Variants in CRTC1 observed in about 807,000 individuals in gnomAD.
CRTC1 encodes CREB regulated transcription coactivator 1, also known as CREB-regulated transcription coactivator 1.
Under a neutral mutation model 66.1 loss-of-function variants are expected in CRTC1, and 18 were observed. The ratio of observed to expected loss-of-function variants is 0.27; its 90% CI spans 0.19 to 0.40. The LOEUF is 0.40. Ranked by LOEUF, CRTC1 falls within the 10% of genes least tolerant of loss-of-function variation. CRTC1 has a pLI of 1.00. For missense variants in CRTC1, 669 were observed against 887.9 expected, an observed-to-expected ratio of 0.75 and a Z score of 3.13; for synonymous variants, 416 against 398.8, an observed-to-expected ratio of 1.04 and a Z score of -0.51.
At position 18,779,901 on chromosome 19, in the gene CRTC1, GCGTCC is replaced by G. The variant is rs1343752721; in HGVS notation, c.*2521_*2525del. 6 of 229,108 alleles carry G rather than the reference GCGTCC, an allele frequency of 2.6e-5. No individual in the cohort carries two copies. Among genetic ancestry groups the G allele is most frequent in the African/African-American group, 4.4e-5 (2 of 45,078 alleles). The allele number at this position is 229,108 out of a possible 1,614,324, so 14.2% of individuals were successfully genotyped here. ...GGCCCAGCCAGGAGCCAGCAGCCAG[GCGTCC>G]CTGTGTTCCAGAAGGATTCACGCCC... On this transcript the variant is annotated 3_prime_UTR_variant, in exon 14 of 14. Transcript: ENST00000321949.
intron 1 of CRTC1, among the ~76,000 whole-genome samples, chr19:18,722,961 G>T (rs1017182370): frequency 1.3e-5 from 2 of 151,498 alleles, no homozygotes; most frequent in African/African-American, 4.9e-5. Flanking sequence ...TTTTTTTTGA[G>T]ACAGGGTCTT....
rs543095404 is a variant in CRTC1, at chr19:18,748,241, G to A, written c.443+1127G>A. The stretch of plus-strand genomic sequence containing the variant: ...TATTTACATACATATGTATACAAAC[G>A]TGTGTGTGTATATAATTTTTTTTCT... On this transcript the variant is annotated intron_variant, in intron 4 of 13. Transcript: ENST00000321949. 1.1e-4 allele frequency among the ~76,000 whole-genome samples: 17 copies of A among 151,820 alleles called. 1 individual carries two copies. The highest frequency in any genetic ancestry group is 9.8e-4 in the Admixed American group (15 of 15,236).
chr19:18,725,705 G>T (rs2145649429), intron 1 of CRTC1, among the ~76,000 whole-genome samples: 1 of 152,298 alleles, frequency 6.6e-6, no homozygotes, highest in South Asian at 2.1e-4. Flanking sequence ...CTGTGTTAGG[G>T]GCTTCTTTCT....
chr19:18,699,863 AG>A (rs1386629219), intron 1 of CRTC1, among the ~76,000 whole-genome samples: 2 of 152,064 alleles, frequency 1.3e-5, no homozygotes, highest in African/African-American at 2.4e-5. Context: ...CAGGCCTGGG[AG>A]GAACGAGTAG....
rs540019260 is a variant in CRTC1 at position 18,775,229 on chromosome 19, G to A, written c.1512+243G>A. ...TTTGCCCACCTACAGAGCGGAGGCC[G>A]AGGGCAGAGGGTGAGGGGGGGCAGG... is the stretch of plus-strand genomic sequence containing the variant. On this transcript the variant is annotated intron_variant, in intron 12 of 13. Transcript: ENST00000321949. Among the ~76,000 whole-genome samples, 100 of 152,354 alleles carry A rather than the reference G, an allele frequency of 6.6e-4. 1 individual carries two copies. The highest frequency in any genetic ancestry group is 4.9e-3 in the Admixed American group (75 of 15,310).
chr19:18,705,608 C>A (rs1418354292), intron 1 of CRTC1, among the ~76,000 whole-genome samples: 1 of 152,182 alleles, frequency 6.6e-6, no homozygotes, highest in African/African-American at 2.4e-5. Flanking sequence ...CGTGAACCAC[C>A]ACGCCCAGCC....
At chr19:18,698,995 T>C (rs1181344180) in intron 1 of CRTC1, among the ~76,000 whole-genome samples, 2 of 151,644 alleles carry the variant, frequency 1.3e-5, no homozygotes, top group African/African-American at 2.4e-5. Context: ...CCGTGTGTGC[T>C]CTGCAGGCGC....
At chr19:18,767,635 A>G (rs1005226716) in intron 9 of CRTC1, among the ~76,000 whole-genome samples, 8 of 152,122 alleles carry the variant, frequency 5.3e-5, no homozygotes, top group Admixed American at 4.6e-4. Flanking sequence ...CTGTCTGCTT[A>G]CAAAGGTGTC....
intron 1 of CRTC1, among the ~76,000 whole-genome samples, chr19:18,689,966 G>A (rs184361449): frequency 1.1e-3 from 165 of 151,924 alleles, no homozygotes; most frequent in Non-Finnish European, 1.9e-4. Flanking sequence ...GTGAGCATCC[G>A]CTGCAGGTGT....
At chr19:18,749,651 A>T in intron 4 of CRTC1, 130 bp from the exon 5 acceptor site, 1 of 718,132 alleles carries the variant, frequency 1.4e-6, no homozygotes, top group South Asian at 1.7e-5. Flanking sequence ...AGCTTTGCTC[A>T]GGTGCAGCAG....
intron 1 of CRTC1, among the ~76,000 whole-genome samples, chr19:18,724,554 G>C (rs2145643612): frequency 6.6e-6 from 1 of 151,808 alleles, no homozygotes; most frequent in East Asian, 2.0e-4. Flanking sequence ...GTGTCGGCAG[G>C]GCCGAGCTTC....
chr19:18,759,956 G>GCCAGCCCCCTTTCCCCGCCA, intron 7 of CRTC1, 52 bp from the exon 8 acceptor site: 2 of 1,221,320 alleles, frequency 1.6e-6, no homozygotes, highest in Non-Finnish European at 2.3e-6. Flanking sequence ...TGTCCCCGCC[G>GCCAGCCCCCTTTCCCCGCCA]CCAGCCCCGC....
rs2055070853 is a variant in CRTC1, at chr19:18,779,920, G to C, written c.*2538G>C. On this transcript the variant is annotated 3_prime_UTR_variant, in exon 14 of 14. Transcript: ENST00000321949. ...AGCCAGGCGTCCCTGTGTTCCAGAA[G>C]GATTCACGCCCCTCCTGGACCTGGG... The C allele has an allele frequency of 8.7e-6, 2 of 229,438 alleles. No individual in the cohort carries two copies. Among genetic ancestry groups the C allele is most frequent in the Non-Finnish European group, 1.7e-5 (2 of 115,716 alleles). 14.2% of individuals were successfully genotyped at this position (229,438 alleles called of 1,614,324 possible). A position where few individuals can be genotyped will look rare whatever the true frequency, so the allele number is the denominator to read the frequency against.
intron 1 of CRTC1, among the ~76,000 whole-genome samples, chr19:18,732,568 A>G (rs2053914135): frequency 6.6e-6 from 1 of 152,174 alleles, no homozygotes; most frequent in South Asian, 2.1e-4. Flanking sequence ...TTTTGGATGC[A>G]GGGATTGGGG....
rs535956657 is a variant in CRTC1 at position 18,771,746 on chromosome 19, A to G, written c.1425+200A>G. On this transcript the variant is annotated intron_variant, in intron 11 of 13. Transcript: ENST00000321949. This position sits in a 1 kb window ranked among gnomAD's most constrained non-coding sequence, Gnocchi z 4.6. ...GCAGGAACCCCACAGGGTCCTTCCC[A>G]GGAGCCGCCAGAGCCTGCCTCTGCT... Among the ~76,000 whole-genome samples, 10 of 152,294 alleles carry G rather than the reference A, an allele frequency of 6.6e-5. No individual in the cohort carries two copies. The highest frequency in any genetic ancestry group is 2.4e-4 in the African/African-American group (10 of 41,558).
chr19:18,699,550 G>A (rs146140240), intron 1 of CRTC1, among the ~76,000 whole-genome samples: 22 of 152,270 alleles, frequency 1.4e-4, no homozygotes, highest in Admixed American at 9.1e-4. Context: ...TCCATTCCTC[G>A]AGTCAGTTGG....
intron 1 of CRTC1, among the ~76,000 whole-genome samples, chr19:18,710,024 C>T (rs938420890): frequency 4.6e-5 from 7 of 152,000 alleles, no homozygotes; most frequent in Non-Finnish European, 8.8e-5. Context: ...CCCGCCCCCC[C>T]ACACTTCTTT....
chr19:18,700,810 G>A (rs2053118040), intron 1 of CRTC1, among the ~76,000 whole-genome samples: 1 of 152,224 alleles, frequency 6.6e-6, no homozygotes. Flanking sequence ...TGGGCTGCAG[G>A]GGTCTGCAGA....
chr19:18,775,648 A>T lies in CRTC1; in HGVS notation c.1520A>T (p.Gln507Leu), dbSNP rs1175222931. The change falls in exon 13 of 14, where the codon CAG (glutamine) becomes CTG (leucine). Residue 507 changes from glutamine (Q) to leucine (L), a missense_variant. Physicochemically the swap from Gln to Leu is moderately radical, Grantham distance 113 (BLOSUM62 -2). Around this residue, in one of 8 missense-constraint regions of CRTC1, gnomAD observed 79 missense variants for 100.1 expected, o/e 0.79. Coordinates refer to ENST00000321949, the MANE Select transcript of CRTC1 (RefSeq NM_015321.3). ...GTGTGCCTCCCTTCCCAGCTGGAGC[A>T]GTTCAACATGATGGAGAACGCCATC... ...QANALSHQLE[Q>L]FNMMENAISS... 1 of 1,587,840 alleles carries T rather than the reference A, an allele frequency of 6.3e-7. No homozygotes were observed. Among genetic ancestry groups the T allele is most frequent in the Non-Finnish European group, 8.6e-7 (1 of 1,166,562 alleles).
Sources: gnomAD v4.1 joint callset for allele counts (sites outside exome capture counted in the v4.1 genomes callset) on GRCh38, gnomAD v4.1.1 for gene constraint, gnomAD v4.1.1 regional missense constraint, Gnocchi (gnomAD v3.1) non-coding constraint, MANE v1.5 for transcripts, NCBI Gene and HGNC (gene_info 2026-07-23, HGNC 2026-07-21) for gene names.